ANO4: variants seen among roughly 807,000 people sequenced by gnomAD.
ANO4 encodes anoctamin-4.
ANO4 carries 69 observed loss-of-function variants against 141.9 expected under a neutral mutation model. The ratio of observed to expected loss-of-function variants is 0.49; its 90% CI spans 0.40 to 0.59. ANO4 has a LOEUF of 0.59. Ranked by LOEUF, ANO4 falls within the 20% of genes least tolerant of loss-of-function variation. The probability of loss-of-function intolerance (pLI) is 0.00; values close to 1 mark genes in which losing one functional copy is unlikely to be tolerated. For synonymous variants in ANO4, 350 were observed against 394.3 expected (o/e 0.89, Z 1.33); for missense variants, 894 against 1,162.2 (o/e 0.77, Z 3.36).
intron 14 of ANO4, chr12:101,068,510 A>G (rs878895175): frequency 5.4e-6 from 6 of 1,101,758 alleles, no homozygotes; most frequent in African/African-American, 1.5e-5. Context: ...CAACTTTCAT[A>G]TTTTCCTGGA....
intron 2 of ANO4, among the ~76,000 whole-genome samples, chr12:100,919,808 G>A (rs2041548946): frequency 6.8e-6 from 1 of 146,720 alleles, no homozygotes; most frequent in Admixed American, 6.9e-5. Flanking sequence ...TTCTTGTATT[G>A]GTTTTCCTCA....
At chr12:100,777,151 G>A (rs1426629335) in intron 3 of ANO4, among the ~76,000 whole-genome samples, 1 of 149,462 alleles carries the variant, frequency 6.7e-6, no homozygotes, top group Non-Finnish European at 1.5e-5. Flanking sequence ...GGAGTGCAGT[G>A]GCGTGATCTC....
intron 3 of ANO4, among the ~76,000 whole-genome samples, chr12:100,773,823 A>G (rs1369184151): frequency 1.3e-5 from 2 of 152,204 alleles, no homozygotes; most frequent in South Asian, 2.1e-4. Flanking sequence ...AATAACCTCT[A>G]TTGTGATGCC....
At chr12:100,937,858 T>C (rs969800235) in intron 3 of ANO4, among the ~76,000 whole-genome samples, 1 of 152,158 alleles carries the variant, frequency 6.6e-6, no homozygotes, top group Non-Finnish European at 1.5e-5. Flanking sequence ...CATCTTCCAA[T>C]CTTTCTCTCT....
intron 3 of ANO4, among the ~76,000 whole-genome samples, chr12:100,743,021 C>G (rs1303389884): frequency 6.6e-6 from 1 of 151,782 alleles, no homozygotes; most frequent in Non-Finnish European, 1.5e-5. Flanking sequence ...ACCCATTCAT[C>G]CATCCAATAT....
chr12:100,876,308 A>G (rs2039306370), intron 1 of ANO4, among the ~76,000 whole-genome samples: 1 of 145,160 alleles, frequency 6.9e-6, no homozygotes, highest in African/African-American at 2.6e-5. Flanking sequence ...AGTGGGAATT[A>G]TCAAGATGGA....
chr12:100,728,868 T>C (rs2031253029), intron 1 of ANO4, among the ~76,000 whole-genome samples: 1 of 152,136 alleles, frequency 6.6e-6, no homozygotes, highest in Non-Finnish European at 1.5e-5. Flanking sequence ...GAAAAATGTG[T>C]AATGTAATAT....
At chr12:100,993,749 AC>A (rs2045246559) in intron 8 of ANO4, among the ~76,000 whole-genome samples, 1 of 152,150 alleles carries the variant, frequency 6.6e-6, no homozygotes, top group Admixed American at 6.5e-5. Flanking sequence ...GGTATATAGC[AC>A]TTTCACACAC....
At chr12:101,050,348 C>T (rs1330766425) in intron 14 of ANO4, among the ~76,000 whole-genome samples, 1 of 152,162 alleles carries the variant, frequency 6.6e-6, no homozygotes, top group Non-Finnish European at 1.5e-5. Flanking sequence ...CTGTAGGATT[C>T]CTGCCTCCCT....
intron 1 of ANO4, among the ~76,000 whole-genome samples, chr12:100,810,244 T>C (rs2035325445): frequency 6.6e-6 from 1 of 151,774 alleles, no homozygotes; most frequent in South Asian, 2.1e-4. Flanking sequence ...AGGGAAATGG[T>C]GTCCAAGCAC....
chr12:101,124,035 A>T (rs2137071690), intron 26 of ANO4, among the ~76,000 whole-genome samples: 1 of 152,242 alleles, frequency 6.6e-6, no homozygotes, highest in Middle Eastern at 3.4e-3. Flanking sequence ...TCACTGAGGA[A>T]TTGCCACACT....
In ANO4 at chr12:100,938,695, A is replaced by T. The variant is rs539123819; in HGVS notation, c.161-620A>T. ...CACTTTATATATTGACATGTTATTA[A>T]CGTCAACAGTCTTTTGAGAGAGCTT... On this transcript the variant is annotated intron_variant, in intron 3 of 27. Coordinates refer to ENST00000392977, the MANE Select transcript of ANO4 (RefSeq NM_001286615.2). Among the ~76,000 whole-genome samples, 5 of 152,312 alleles carry T rather than the reference A, an allele frequency of 3.3e-5. No homozygotes were observed. The East Asian group carries it at 9.6e-4, about 29-fold the overall frequency.
rs530697823 is a variant in ANO4, at chr12:101,085,051, T to C, written c.1536+1233T>C. Among the ~76,000 whole-genome samples, 3 of 152,332 alleles carry C rather than the reference T, an allele frequency of 2.0e-5. No individual in the cohort carries two copies. In the East Asian group the frequency reaches 5.8e-4, roughly 29 times the overall value. On this transcript the variant is annotated intron_variant, in intron 16 of 27. Transcript: ENST00000392977. ...AGGTTTTTGTTTATTTTATTGTTAT[T>C]TTGGCCAGTCTGAGCTAGGACTTGT...
chr12:100,734,796 A>C (rs1166628567), intron 2 of ANO4, among the ~76,000 whole-genome samples: 2 of 152,234 alleles, frequency 1.3e-5, no homozygotes, highest in African/African-American at 4.8e-5. Context: ...GATTTAAATT[A>C]TTTTTATTAT....
chr12:100,752,221 G>T (rs1272455368), intron 3 of ANO4, among the ~76,000 whole-genome samples: 1 of 152,044 alleles, frequency 6.6e-6, no homozygotes, highest in Non-Finnish European at 1.5e-5. Context: ...CGATGCTGAG[G>T]TTTAGTTAAT....
At chr12:100,917,909 A>G (rs1252043718) in intron 2 of ANO4, among the ~76,000 whole-genome samples, 3 of 152,230 alleles carry the variant, frequency 2.0e-5, no homozygotes, top group African/African-American at 7.2e-5. Context: ...TAAATTGGAT[A>G]TTTCACATCT....
At chr12:100,938,043 G>T (rs535753876) in intron 3 of ANO4, among the ~76,000 whole-genome samples, 4 of 152,298 alleles carry the variant, frequency 2.6e-5, no homozygotes, top group Admixed American at 2.6e-4. Context: ...ATCACCTTTG[G>T]GGGGGTCATA....
intron 24 of ANO4, among the ~76,000 whole-genome samples, chr12:101,114,202 A>G (rs1445348189): frequency 6.6e-6 from 1 of 152,210 alleles, no homozygotes; most frequent in African/African-American, 2.4e-5. Flanking sequence ...CTTGCATGCC[A>G]CTAGCTGAAT....
At chr12:101,086,073 A>T (rs552916080) in intron 16 of ANO4, among the ~76,000 whole-genome samples, 1 of 129,118 alleles carries the variant, frequency 7.7e-6, no homozygotes, top group African/African-American at 2.7e-5. Flanking sequence ...AGTAGGTGTT[A>T]ACTAGGCTGT....
Sources: allele counts gnomAD v4.1 joint callset (sites outside exome capture counted in the v4.1 genomes callset), GRCh38; gene constraint gnomAD v4.1.1; transcripts MANE v1.5; gene names NCBI Gene and HGNC (gene_info 2026-07-23, HGNC 2026-07-21).